The following CDK13 variants were observed in gnomAD, a reference collection of about 807,000 sequenced individuals.
The protein encoded by CDK13 is cyclin-dependent kinase 13.
Under a neutral mutation model 137.6 loss-of-function variants are expected in CDK13, and 40 were observed. That is an observed-to-expected ratio of 0.29 (90% CI 0.23 to 0.38). The LOEUF (loss-of-function observed/expected upper bound fraction) is 0.38. Ranked by LOEUF, CDK13 falls within the 10% of genes least tolerant of loss-of-function variation. The pLI, the probability that CDK13 is intolerant of heterozygous loss-of-function variation, is 1.00. For synonymous variants in CDK13, 869 were observed against 760.1 expected (o/e 1.14, Z -2.36); for missense variants, 1,704 against 1,951.8 (o/e 0.87, Z 2.39).
chr7:40,084,455 G>C (rs917477876), intron 11 of CDK13, among the ~76,000 whole-genome samples: 1 of 152,188 alleles, frequency 6.6e-6, no homozygotes, highest in Non-Finnish European at 1.5e-5. Flanking sequence ...TCCACCCTGG[G>C]TGACAAGAGT....
At position 40,000,854 on chromosome 7, in the gene CDK13, C is replaced by A. The variant is rs17537908; in HGVS notation, c.2183-1007C>A. ...CTCCAAGGAAGTGGAATGAACAAACCTTTATTATAGTGAATTTTTTCTTGT... is the reference window on the plus strand; with the variant it reads ...CTCCAAGGAAGTGGAATGAACAAACATTTATTATAGTGAATTTTTTCTTGT... On this transcript the variant is annotated intron_variant, in intron 4 of 13. Transcript: ENST00000181839. Among the ~76,000 whole-genome samples, 1,291 of 151,952 alleles carry A rather than the reference C, an allele frequency of 8.5e-3. 18 individuals are homozygous for A. The highest frequency in any genetic ancestry group is 0.028 in the African/African-American group (1,152 of 41,442).
At chr7:40,012,740 C>T (rs1450145220) in intron 5 of CDK13, among the ~76,000 whole-genome samples, 1 of 151,918 alleles carries the variant, frequency 6.6e-6, no homozygotes, top group Non-Finnish European at 1.5e-5. Context: ...GGTGCAACCC[C>T]GTCTCTACTA....
rs540292783 is a variant in CDK13 at position 39,977,216 on chromosome 7, G to A, written c.1212-10383G>A. 2.6e-5 allele frequency among the ~76,000 whole-genome samples: 4 copies of A among 152,150 alleles called. No homozygotes were observed. In the South Asian group the frequency reaches 6.2e-4, roughly 24 times the overall value. The stretch of plus-strand genomic sequence containing the variant: ...CCAGTATGTGGGAATATAAAGGCAT[G>A]GAAGTATTGGGCAAATTTAGTACTT... On this transcript the variant is annotated intron_variant, in intron 1 of 13. Transcript: ENST00000181839.
chr7:39,951,765 C>T lies in CDK13; in HGVS notation c.1124C>T (p.Ser375Phe). The change falls in exon 1 of 14, where the codon TCC (serine) becomes TTC (phenylalanine). Residue 375 changes from serine to phenylalanine, a missense_variant. By Grantham distance (155) the Ser-to-Phe change is radical. This residue lies in a region of CDK13 where 1,051 missense variants were observed against 931.0 expected (regional missense o/e 1.13). Transcript: ENST00000181839. The part of the protein sequence containing the change: ...RRSPSYSRHS[S>F]YERGGDVSPS... Reference sequence around the variant, plus strand: ...TCCCCCAGCTACAGCCGCCACAGCTCCTACGAGCGGGGCGGCGACGTGTCC... The same window carrying T: ...TCCCCCAGCTACAGCCGCCACAGCTTCTACGAGCGGGGCGGCGACGTGTCC... 1.3e-6 allele frequency: 2 copies of T among 1,484,956 alleles called. No individual in the cohort carries two copies. Among genetic ancestry groups the T allele is most frequent in the African/African-American group, 1.5e-5 (1 of 68,912 alleles). 92.0% of individuals were successfully genotyped at this position (1,484,956 alleles called of 1,614,324 possible). A position where few individuals can be genotyped will look rare whatever the true frequency, so the allele number is the denominator to read the frequency against.
chr7:40,049,312 T>C (rs1284694577), intron 7 of CDK13: 1 of 151,672 alleles, frequency 6.6e-6, no homozygotes, highest in Admixed American at 6.6e-5. Context: ...CCTCCAGTCC[T>C]CTGTACCAAC....
At position 40,073,893 on chromosome 7, in the gene CDK13, CTTTT is replaced by C. The variant is rs949573205; in HGVS notation, c.2781-4108_2781-4105del. ...GCGTGAGCAACCGTGCCTGGCCTTT[CTTTT>C]TTTCCTTTTTTTTTTTTTTTTAAGA... On this transcript the variant is annotated intron_variant, in intron 9 of 13. Transcript: ENST00000181839. Among the ~76,000 whole-genome samples the C allele has an allele frequency of 2.3e-3, 317 of 140,070 alleles. 1 individual carries two copies. The highest frequency in any genetic ancestry group is 7.7e-3 in the African/African-American group (296 of 38,270). 91.9% of individuals were successfully genotyped at this position (140,070 alleles called of 152,430 possible).
At chr7:40,082,486 CAAAAAAAAAA>C (rs70996879) in intron 11 of CDK13, among the ~76,000 whole-genome samples, 15 of 74,882 alleles carry the variant, frequency 2.0e-4, no homozygotes, top group East Asian at 6.8e-4. Flanking sequence ...ACTCCATTTC[CAAAAAAAAAA>C]AAAAAAAAAA....
chr7:40,031,392 C>G (rs1293428595), intron 5 of CDK13, among the ~76,000 whole-genome samples: 2 of 151,970 alleles, frequency 1.3e-5, no homozygotes, highest in Non-Finnish European at 2.9e-5. Context: ...CGTGGTGGCA[C>G]GTGCCTGCAG....
At chr7:40,033,849 T>C (rs1785429114) in intron 5 of CDK13, among the ~76,000 whole-genome samples, 1 of 152,184 alleles carries the variant, frequency 6.6e-6, no homozygotes, top group African/African-American at 2.4e-5. Context: ...TTTTGGTTTT[T>C]CCCTGCAGTG....
chr7:40,021,112 T>TACAC (rs1415262803), intron 5 of CDK13, among the ~76,000 whole-genome samples: 157 of 88,362 alleles, frequency 1.8e-3, no homozygotes, highest in Middle Eastern at 9.5e-3. Context: ...CGTATATATA[T>TACAC]ATATATATAT....
At chr7:39,977,952 T>A (rs1207006849) in intron 1 of CDK13, among the ~76,000 whole-genome samples, 1 of 152,186 alleles carries the variant, frequency 6.6e-6, no homozygotes, top group Non-Finnish European at 1.5e-5. Context: ...TAGAATAATT[T>A]CCAGGTTTCT....
chr7:39,966,413 C>T (rs955384188), intron 1 of CDK13, among the ~76,000 whole-genome samples: 1 of 152,214 alleles, frequency 6.6e-6, no homozygotes, highest in Admixed American at 6.5e-5. Flanking sequence ...GCTACTGAGG[C>T]TTGTGCATTC....
At chr7:40,018,008 C>T (rs1165253013) in intron 5 of CDK13, among the ~76,000 whole-genome samples, 1 of 150,966 alleles carries the variant, frequency 6.6e-6, no homozygotes, top group East Asian at 1.9e-4. Flanking sequence ...TATTATATCG[C>T]TTTAATTATC....
intron 1 of CDK13, among the ~76,000 whole-genome samples, chr7:39,964,269 A>G (rs1168997025): frequency 1.3e-5 from 2 of 152,030 alleles, no homozygotes; most frequent in African/African-American, 2.4e-5. Context: ...TTGGTTGGTA[A>G]GCTATTAATT....
chr7:39,978,534 C>T (rs1315957065), intron 1 of CDK13, among the ~76,000 whole-genome samples: 3 of 152,128 alleles, frequency 2.0e-5, no homozygotes, highest in Non-Finnish European at 2.9e-5. Flanking sequence ...GTTTTGTTTT[C>T]TTGTCTGTTT....
chr7:39,976,323 T>TCTCTCTCTCTCTCACACACACACA, intron 1 of CDK13, among the ~76,000 whole-genome samples: 44 of 39,582 alleles, frequency 1.1e-3, no homozygotes, highest in Non-Finnish European at 1.5e-3. Context: ...TCTCTCTCTC[T>TCTCTCTCTCTCTCACACACACACA]CACACACACA....
At chr7:39,963,715 G>A (rs1783803394) in intron 1 of CDK13, among the ~76,000 whole-genome samples, 1 of 152,288 alleles carries the variant, frequency 6.6e-6, no homozygotes, top group South Asian at 2.1e-4. Flanking sequence ...TTTTCAAAGG[G>A]AATGCTTCCA....
At chr7:40,069,361 C>T (rs192499315) in intron 9 of CDK13, 136 of 454,006 alleles carry the variant, frequency 3.0e-4, no homozygotes, top group African/African-American at 2.2e-3. Context: ...AATGAGGCAA[C>T]GGAGTATACC....
At chr7:40,080,483 C>T (rs1786642269) in intron 11 of CDK13, among the ~76,000 whole-genome samples, 1 of 152,126 alleles carries the variant, frequency 6.6e-6, no homozygotes, top group African/African-American at 2.4e-5. Flanking sequence ...TCATATTCAG[C>T]TTCAGTAAGC....
Sources: gnomAD v4.1 joint callset for allele counts (sites outside exome capture counted in the v4.1 genomes callset) on GRCh38, gnomAD v4.1.1 for gene constraint, gnomAD v4.1.1 regional missense constraint, MANE v1.5 for transcripts, NCBI Gene and HGNC (gene_info 2026-07-23, HGNC 2026-07-21) for gene names.